Variants in KRAS observed in about 807,000 individuals in gnomAD.
KRAS encodes KRas proto-oncogene, GTPase.
KRAS carries 1 observed loss-of-function variant against 21.0 expected under a neutral mutation model. That is an observed-to-expected ratio of 0.05 (90% CI 0.02 to 0.23). KRAS has a LOEUF of 0.23. Ranked by LOEUF, KRAS falls within the 10% of genes least tolerant of loss-of-function variation. KRAS has a pLI of 1.00. For synonymous variants in KRAS, 67 were observed against 72.5 expected, an observed-to-expected ratio of 0.92 and a Z score of 0.39; for missense variants, 107 against 221.8, an observed-to-expected ratio of 0.48 and a Z score of 3.29.
intron 4 of KRAS, chr12:25,210,674 C>T (rs540654122): frequency 1.3e-5 from 2 of 152,126 alleles, no homozygotes; most frequent in South Asian, 2.1e-4. Context: ...TCTTTCTATC[C>T]CATAAAGTTT....
chr12:25,245,201 T>C (rs1951662373), intron 2 of KRAS, 73 bp downstream of exon 2: 9 of 1,446,208 alleles, frequency 6.2e-6, no homozygotes, highest in South Asian at 2.4e-5. Flanking sequence ...CTCATGAAAA[T>C]GGTCAGAGAA....
intron 4 of KRAS, among the ~76,000 whole-genome samples, chr12:25,211,492 T>C (rs938558264): frequency 2.6e-5 from 4 of 152,024 alleles, no homozygotes; most frequent in Admixed American, 2.0e-4. Context: ...GGAGAATTGC[T>C]GAACCCGGAG....
chr12:25,245,809 T>G (rs1951671636), intron 1 of KRAS, among the ~76,000 whole-genome samples: 1 of 152,180 alleles, frequency 6.6e-6, no homozygotes, highest in Non-Finnish European at 1.5e-5. Flanking sequence ...GACAGCTATC[T>G]CCACTCTTAT....
chr12:25,235,328 C>T, intron 2 of KRAS: 1 of 431,778 alleles, frequency 2.3e-6, no homozygotes, highest in Non-Finnish European at 4.3e-6. Flanking sequence ...ATGTGTTCCG[C>T]ACTTTCCGTT....
At chr12:25,250,632 G>GCCCCCCCCCC in intron 1 of KRAS, 119 bp downstream of exon 1, 1 of 143,842 alleles carries the variant, frequency 7.0e-6, no homozygotes, top group Non-Finnish European at 1.5e-5. Context: ...CCGCGCCCGC[G>GCCCCCCCCCC]CCCCCCACCC....
At position 25,209,775 on chromosome 12, in the gene KRAS, GA is replaced by G. The variant is rs1307457846; in HGVS notation, c.*19del. 6.2e-7 allele frequency: 1 copy of G among 1,605,194 alleles called. No individual in the cohort carries two copies. The highest frequency in any genetic ancestry group is 1.7e-5 in the Admixed American group (1 of 59,602). ...TACCACTTGTACTAGTATGCCTTAA[GA>G]AAAAAGTACAAATTGTATTTACATA... is the stretch of plus-strand genomic sequence containing the variant. On this transcript the variant is annotated 3_prime_UTR_variant, in exon 5 of 5. Coordinates refer to ENST00000311936, the MANE Select transcript of KRAS (RefSeq NM_004985.5).
At chr12:25,222,076 G>A (rs1391789685) in intron 4 of KRAS, among the ~76,000 whole-genome samples, 1 of 151,444 alleles carries the variant, frequency 6.6e-6, no homozygotes, top group Non-Finnish European at 1.5e-5. Flanking sequence ...GTGAACCCGG[G>A]AGGCGGAGCC....
chr12:25,240,043 T>C (rs1208363271), intron 2 of KRAS, among the ~76,000 whole-genome samples: 2 of 152,190 alleles, frequency 1.3e-5, no homozygotes, highest in Non-Finnish European at 1.5e-5. Context: ...CTTTTTTCAA[T>C]GTTTTATTTT....
intron 4 of KRAS, among the ~76,000 whole-genome samples, chr12:25,214,208 G>C (rs2141486766): frequency 6.6e-6 from 1 of 152,164 alleles, no homozygotes; most frequent in Middle Eastern, 3.4e-3. Flanking sequence ...CCAAACAAGA[G>C]CCAAGACTCA....
intron 2 of KRAS, among the ~76,000 whole-genome samples, chr12:25,241,093 G>GT (rs1951604202): frequency 6.6e-6 from 1 of 152,164 alleles, no homozygotes; most frequent in South Asian, 2.1e-4. Context: ...AGTAAGCTCA[G>GT]TAAGTGTTAA....
chr12:25,209,208 T>C lies in KRAS; in HGVS notation c.*587A>G, dbSNP rs780315762. 5 of 679,796 alleles carry C rather than the reference T, an allele frequency of 7.4e-6. No individual in the cohort carries two copies. In the South Asian group the frequency reaches 8.1e-5, roughly 11 times the overall value. 42.1% of individuals were successfully genotyped at this position (679,796 alleles called of 1,614,324 possible). On this transcript the variant is annotated 3_prime_UTR_variant, in exon 5 of 5. Transcript: ENST00000311936. ...TTCTTTTTATAGAAAAAATATAATATTTTGGGGAGAGTGACCATGACTAAT... is the reference window on the plus strand; with the variant it reads ...TTCTTTTTATAGAAAAAATATAATACTTTGGGGAGAGTGACCATGACTAAT...
At position 25,207,543 on chromosome 12, in the gene KRAS, A is replaced by G. The variant is rs1951152254; in HGVS notation, c.*2252T>C. ...AAAAAAAAAGTAAGCTTCATGAATTAAAGTATTTTTCATTGCATGAAGATT... is the reference window on the plus strand; with the variant it reads ...AAAAAAAAAGTAAGCTTCATGAATTGAAGTATTTTTCATTGCATGAAGATT... On this transcript the variant is annotated 3_prime_UTR_variant, in exon 5 of 5. Transcript: ENST00000311936. 1 of 220,546 alleles carries G rather than the reference A, an allele frequency of 4.5e-6. No homozygotes were observed. The highest frequency in any genetic ancestry group is 9.1e-6 in the Non-Finnish European group (1 of 110,324). The allele number at this position is 220,546 out of a possible 1,614,324, so 13.7% of individuals were successfully genotyped here.
At chr12:25,223,485 G>A (rs1346020690) in intron 4 of KRAS, among the ~76,000 whole-genome samples, 1 of 152,136 alleles carries the variant, frequency 6.6e-6, no homozygotes, top group Non-Finnish European at 1.5e-5. Flanking sequence ...TTCCTCTAAA[G>A]TAAAGTGATA....
In KRAS at chr12:25,209,586, C is replaced by G. The variant is rs1392851197; in HGVS notation, c.*209G>C. 21 of 1,332,180 alleles carry G rather than the reference C, an allele frequency of 1.6e-5. No homozygotes were observed. Among genetic ancestry groups the G allele is most frequent in the Middle Eastern group, 2.8e-4 (1 of 3,582 alleles). 82.5% of individuals were successfully genotyped at this position (1,332,180 alleles called of 1,614,324 possible). ...TTCTTTTTCACAGGCATTGCTAGTT[C>G]AAAAACCAAAACTCTGGGAATACTG... On this transcript the variant is annotated 3_prime_UTR_variant, in exon 5 of 5. Transcript: ENST00000311936.
At chr12:25,237,286 GATA>G (rs773455643) in intron 2 of KRAS, among the ~76,000 whole-genome samples, 15 of 152,130 alleles carry the variant, frequency 9.9e-5, no homozygotes, top group South Asian at 8.3e-4. Context: ...CTTTTGGGGT[GATA>G]ATAACATTCT....
chr12:25,230,827 A>G (rs1951458030), intron 2 of KRAS, among the ~76,000 whole-genome samples: 1 of 152,204 alleles, frequency 6.6e-6, no homozygotes, highest in South Asian at 2.1e-4. Context: ...GAAAAAAAAG[A>G]TGGATATTTA....
At chr12:25,215,518 G>A (rs752732542) in intron 4 of KRAS, 4 of 1,611,694 alleles carry the variant, frequency 2.5e-6, no homozygotes, top group Non-Finnish European at 3.4e-6. Flanking sequence ...AATCTGTATT[G>A]TCGGATCTCT....
intron 2 of KRAS, among the ~76,000 whole-genome samples, chr12:25,228,286 G>C (rs1228614008): frequency 6.7e-6 from 1 of 149,718 alleles, no homozygotes; most frequent in Non-Finnish European, 1.5e-5. Flanking sequence ...AACGTGTTGG[G>C]ATTACAAGCA....
chr12:25,250,284 G>A (rs1951747366), intron 1 of KRAS, among the ~76,000 whole-genome samples: 1 of 152,158 alleles, frequency 6.6e-6, no homozygotes, highest in Non-Finnish European at 1.5e-5. Flanking sequence ...AATGCAGCAG[G>A]GAAGGCTGGA....
Sources: allele counts gnomAD v4.1 joint callset (sites outside exome capture counted in the v4.1 genomes callset), GRCh38; gene constraint gnomAD v4.1.1; transcripts MANE v1.5; gene names NCBI Gene and HGNC (gene_info 2026-07-23, HGNC 2026-07-21).